PIP4P2: variants seen among roughly 807,000 people sequenced by gnomAD.
The protein encoded by PIP4P2 is phosphatidylinositol-4,5-bisphosphate 4-phosphatase 2, also known as type 2 phosphatidylinositol 4,5-bisphosphate 4-phosphatase.
A neutral mutation model predicts 33.3 loss-of-function variants in PIP4P2; 19 were observed. The ratio of observed to expected loss-of-function variants is 0.57; its 90% CI spans 0.40 to 0.84. The LOEUF (loss-of-function observed/expected upper bound fraction) is 0.84. Among genes scored for constraint, PIP4P2 ranks in the 40% least tolerant of loss-of-function variants. PIP4P2 has a pLI of 0.00. For synonymous variants in PIP4P2, 110 were observed against 111.9 expected (o/e 0.98, Z 0.11); for missense variants, 270 against 324.7 (o/e 0.83, Z 1.29).
At chr8:91,028,227 C>T (rs907335602) in intron 1 of PIP4P2, among the ~76,000 whole-genome samples, 16 of 152,158 alleles carry the variant, frequency 1.1e-4, no homozygotes, top group African/African-American at 1.7e-4. Context: ...TTAGAAAAAA[C>T]TCTAAGTATT....
chr8:91,000,580 A>C (rs1811687526), intron 5 of PIP4P2, among the ~76,000 whole-genome samples: 1 of 151,768 alleles, frequency 6.6e-6, no homozygotes. Flanking sequence ...GTATTTTAAA[A>C]CTTGTTTTCT....
intron 5 of PIP4P2, among the ~76,000 whole-genome samples, chr8:90,999,507 G>T (rs1288253852): frequency 6.6e-6 from 1 of 151,984 alleles, no homozygotes; most frequent in Non-Finnish European, 1.5e-5. Flanking sequence ...AGGCAATTTT[G>T]TCTTTAAGGA....
chr8:90,994,142 A>G lies in PIP4P2; in HGVS notation c.*1535T>C, dbSNP rs1811596452. The G allele has an allele frequency of 6.6e-6, 1 of 152,198 alleles. No homozygotes were observed. The highest frequency in any genetic ancestry group is 2.4e-5 in the African/African-American group (1 of 41,480). The allele number at this position is 152,198 out of a possible 1,614,324, so 9.4% of individuals were successfully genotyped here. A position where few individuals can be genotyped will look rare whatever the true frequency, so the allele number is the denominator to read the frequency against. ...TATTTTAAAAATAAAACCATTTGAA[A>G]ATAGTACAAAAAACATAAATGAATA... On this transcript the variant is annotated 3_prime_UTR_variant, in exon 7 of 7. Transcript: ENST00000285419.
chr8:91,033,544 G>A (rs1214583313), intron 1 of PIP4P2, among the ~76,000 whole-genome samples: 1 of 152,102 alleles, frequency 6.6e-6, no homozygotes, highest in Non-Finnish European at 1.5e-5. Flanking sequence ...TCATTAGTCT[G>A]TTCTCCTCCA....
intron 3 of PIP4P2, among the ~76,000 whole-genome samples, chr8:91,019,396 A>T (rs1373245355): frequency 1.6e-5 from 1 of 60,662 alleles, no homozygotes; most frequent in Non-Finnish European, 4.3e-5. Flanking sequence ...CTGTCTCTAC[A>T]AAAAAAAAAA....
In PIP4P2 at chr8:90,995,739, G is replaced by A; in HGVS notation, c.712C>T (p.Leu238Phe). 1 of 1,613,390 alleles carries A rather than the reference G, an allele frequency of 6.2e-7. No homozygotes were observed. The highest frequency in any genetic ancestry group is 1.7e-5 in the Admixed American group (1 of 59,956). ...GCTCCCCAATAACAAGCTCGGATAA[G>A]GCAGATCAATCCTAGGAGATAAGCA... ...AIAYLLGLIC[L>F]IRACYWGAIR... The change falls in exon 7 of 7, where the codon CTT (leucine) becomes TTT (phenylalanine). Residue 238 changes from leucine (L) to phenylalanine (F), a missense_variant. Leu to Phe is a conservative substitution (Grantham distance 22). Coordinates refer to ENST00000285419, the MANE Select transcript of PIP4P2 (RefSeq NM_018710.3).
At chr8:90,995,864 A>T in intron 6 of PIP4P2, 44 bp from the exon 7 acceptor site, 1 of 1,553,148 alleles carries the variant, frequency 6.4e-7, no homozygotes, top group East Asian at 2.4e-5. Context: ...AGAAACTTTA[A>T]AAAATATCTG....
At chr8:91,038,462 T>C (rs1383768126) in intron 1 of PIP4P2, among the ~76,000 whole-genome samples, 4 of 152,194 alleles carry the variant, frequency 2.6e-5, no homozygotes, top group Admixed American at 6.5e-5. Context: ...ACCAAAAACA[T>C]CTGATCTAGT....
chr8:91,021,602 C>T (rs1812010071), intron 1 of PIP4P2, among the ~76,000 whole-genome samples, 198 bp from the exon 2 acceptor site: 1 of 152,160 alleles, frequency 6.6e-6, no homozygotes, highest in Non-Finnish European at 1.5e-5. Flanking sequence ...TAATTCTTAA[C>T]TCTGATAAAA....
chr8:91,029,002 A>G (rs1812120844), intron 1 of PIP4P2, among the ~76,000 whole-genome samples: 1 of 152,212 alleles, frequency 6.6e-6, no homozygotes, highest in Non-Finnish European at 1.5e-5. Flanking sequence ...TTTAAAATAC[A>G]GAAATTATGG....
chr8:91,040,741 A>G lies in PIP4P2; in HGVS notation c.9T>C (p.Ala3=), dbSNP rs1812295340. The G allele has an allele frequency of 4.3e-6, 7 of 1,611,896 alleles. No individual in the cohort carries two copies. The highest frequency in any genetic ancestry group is 1.1e-5 in the South Asian group (1 of 91,010). MA[A]DGVDERSPLL... is the part of the protein sequence containing the mutation. ...GAGGCGAGCGTTCGTCCACCCCATC[A>G]GCAGCCATGACTGCGGCAGCGGCGG... Residue 3 remains alanine, a synonymous_variant, in exon 1 of 7, where the codon GCT becomes GCC. Coordinates refer to ENST00000285419, the MANE Select transcript of PIP4P2 (RefSeq NM_018710.3).
At chr8:91,032,632 T>G (rs2130381180) in intron 1 of PIP4P2, among the ~76,000 whole-genome samples, 1 of 151,510 alleles carries the variant, frequency 6.6e-6, no homozygotes, top group Non-Finnish European at 1.5e-5. Flanking sequence ...AATACAAAAA[T>G]TAGTCAAGTG....
intron 1 of PIP4P2, among the ~76,000 whole-genome samples, chr8:91,036,183 TTATA>T (rs1812229218): frequency 6.6e-6 from 1 of 151,846 alleles, no homozygotes; most frequent in Non-Finnish European, 1.5e-5. Flanking sequence ...ACACACAATT[TTATA>T]TATTCAGCCC....
At chr8:91,010,512 A>C (rs1811820030) in intron 4 of PIP4P2, among the ~76,000 whole-genome samples, 1 of 151,960 alleles carries the variant, frequency 6.6e-6, no homozygotes, top group Admixed American at 6.6e-5. Flanking sequence ...ATGATAACTG[A>C]CAAACAGTAG....
At chr8:91,036,204 C>T (rs561578290) in intron 1 of PIP4P2, among the ~76,000 whole-genome samples, 8 of 151,922 alleles carry the variant, frequency 5.3e-5, no homozygotes, top group African/African-American at 1.9e-4. Context: ...GCCCAGGCCC[C>T]GTTTCTTAGT....
intron 5 of PIP4P2, among the ~76,000 whole-genome samples, chr8:90,997,201 A>G (rs1811640541): frequency 6.6e-6 from 1 of 152,078 alleles, no homozygotes; most frequent in African/African-American, 2.4e-5. Context: ...TATAATCCCA[A>G]TATCATAAAA....
chr8:91,021,538 C>A, intron 1 of PIP4P2, 134 bp from the exon 2 acceptor site: 2 of 1,006,746 alleles, frequency 2.0e-6, no homozygotes, highest in Non-Finnish European at 2.8e-6. Context: ...CAAAGCTAGC[C>A]AATTTATCTT....
intron 4 of PIP4P2, among the ~76,000 whole-genome samples, chr8:91,011,063 T>TAGATAGATAGAC (rs780966179): frequency 5.6e-5 from 7 of 125,974 alleles, no homozygotes; most frequent in East Asian, 2.2e-4. Flanking sequence ...GATAGATAGA[T>TAGATAGATAGAC]AGACAGATAG....
Position 90,995,506 on chromosome 8 carries a change from G to T in PIP4P2, c.*171C>A. Reference sequence around the variant, plus strand: ...TGAAAACCTAGCAGCAAAACAATTTGCATATAATATAGTGCAATGAGCATT... The same window carrying T: ...TGAAAACCTAGCAGCAAAACAATTTTCATATAATATAGTGCAATGAGCATT... On this transcript the variant is annotated 3_prime_UTR_variant, in exon 7 of 7. Transcript: ENST00000285419. The T allele has an allele frequency of 1.5e-6, 1 of 667,854 alleles. No homozygotes were observed. Among genetic ancestry groups the T allele is most frequent in the Non-Finnish European group, 2.1e-6 (1 of 470,650 alleles). 41.4% of individuals were successfully genotyped at this position (667,854 alleles called of 1,614,324 possible).
Sources: gnomAD v4.1 joint callset for allele counts (sites outside exome capture counted in the v4.1 genomes callset) on GRCh38, gnomAD v4.1.1 for gene constraint, MANE v1.5 for transcripts, NCBI Gene and HGNC (gene_info 2026-07-23, HGNC 2026-07-21) for gene names.